CELF2: variants seen among roughly 807,000 people sequenced by gnomAD.
The protein encoded by CELF2 is CUG triplet repeat RNA-binding protein 2.
CELF2 carries 8 observed loss-of-function variants against 62.6 expected under a neutral mutation model. The observed-to-expected ratio is 0.13, with a 90% CI of 0.07 to 0.23. CELF2 has a LOEUF of 0.23. CELF2 is among the 10% of genes least tolerant of loss of function. The pLI, the probability that CELF2 is intolerant of heterozygous loss-of-function variation, is 1.00. For missense variants in CELF2, 333 were observed against 671.0 expected, an observed-to-expected ratio of 0.50 and a Z score of 5.56; for synonymous variants, 258 against 250.0, an observed-to-expected ratio of 1.03 and a Z score of -0.30.
chr10:11,165,830 C>A lies in CELF2; in HGVS notation c.271+148C>A. 1 of 731,752 alleles carries A rather than the reference C, an allele frequency of 1.4e-6. No individual in the cohort carries two copies. The highest frequency in any genetic ancestry group is 2.2e-6 in the Non-Finnish European group (1 of 463,614). The allele number at this position is 731,752 out of a possible 1,614,324, so 45.3% of individuals were successfully genotyped here. On this transcript the variant is annotated intron_variant, in intron 2 of 12. Coordinates refer to ENST00000633077, the MANE Select transcript of CELF2 (RefSeq NM_001326342.2). The surrounding 1 kb of genome is among the most constrained non-coding windows in gnomAD (Gnocchi z 7.4). ...GCTGGCGGCCCCTGTGCTCCAGGGG[C>A]TGCTCCCGACTCCTCCCCGCACCCC...
At position 11,018,294 on chromosome 10, in the gene CELF2, G is replaced by C; in HGVS notation, c.74+131G>C. On this transcript the variant is annotated intron_variant, in intron 1 of 12. Transcript: ENST00000633077. ...CGCTTCGGATCCGTCGCCTCCCTCG[G>C]CCTTCGGAGGCCGGCACGGGACGCG... 4 of 625,614 alleles carry C rather than the reference G, an allele frequency of 6.4e-6. No individual in the cohort carries two copies. In the South Asian group the frequency reaches 1.1e-4, roughly 18 times the overall value. The allele number at this position is 625,614 out of a possible 1,614,324, so 38.8% of individuals were successfully genotyped here. A position where few individuals can be genotyped will look rare whatever the true frequency, so the allele number is the denominator to read the frequency against.
At position 11,165,692 on chromosome 10, in the gene CELF2, G is replaced by C. The variant is rs370590942; in HGVS notation, c.271+10G>C. The C allele has an allele frequency of 1.9e-6, 3 of 1,605,462 alleles. No homozygotes were observed. The highest frequency in any genetic ancestry group is 1.1e-5 in the South Asian group (1 of 90,516). On this transcript the variant is annotated intron_variant, in intron 2 of 12. Transcript: ENST00000633077. The surrounding 1 kb of genome is among the most constrained non-coding windows in gnomAD (Gnocchi z 7.4). ...CCTCCGCAGAGTAAAGGTACAGAGC[G>C]CGGGGCGGGGGTCGCCAGGCGTCCA...
the CELF2 span, among the ~76,000 whole-genome samples, chr10:10,736,457 C>T: frequency 2.8e-5 from 4 of 144,828 alleles, no homozygotes; most frequent in Non-Finnish European, 6.0e-5. Flanking sequence ...AGAGGTATCA[C>T]ATATGTCAAA....
chr10:11,118,970 G>T (rs1020591113), intron 1 of CELF2, among the ~76,000 whole-genome samples: 23 of 152,224 alleles, frequency 1.5e-4, no homozygotes, highest in African/African-American at 4.6e-4. Context: ...GTCTCCGATG[G>T]TGACTTCATC....
chr10:10,774,492 G>A, the CELF2 span, among the ~76,000 whole-genome samples: 1 of 152,190 alleles, frequency 6.6e-6, no homozygotes, highest in Non-Finnish European at 1.5e-5. Flanking sequence ...CCGTTCTCAT[G>A]ATAGAGTTCT....
At chr10:11,186,155 A>G (rs2074814070) in intron 2 of CELF2, among the ~76,000 whole-genome samples, 1 of 152,172 alleles carries the variant, frequency 6.6e-6, no homozygotes. Flanking sequence ...TGTCTTCAAA[A>G]TCTACACATA....
rs766991418 is a variant in CELF2, at chr10:11,268,982, T to C, written c.619-1684T>C. Among the ~76,000 whole-genome samples the C allele has an allele frequency of 9.2e-5, 14 of 152,246 alleles. No homozygotes were observed. Among genetic ancestry groups the C allele is most frequent in the East Asian group, 1.9e-4 (1 of 5,196 alleles). ...AAAAATCATTTTTAAGCTATAATCA[T>C]TGGCCTAATTTTCTGCTTTTATATC... On this transcript the variant is annotated intron_variant, in intron 6 of 12. Transcript: ENST00000633077. The surrounding 1 kb of genome is among the most constrained non-coding windows in gnomAD (Gnocchi z 4.7).
chr10:11,238,640 G>A (rs1397416938), intron 3 of CELF2, among the ~76,000 whole-genome samples: 1 of 152,186 alleles, frequency 6.6e-6, no homozygotes, highest in Non-Finnish European at 1.5e-5. Flanking sequence ...CTTCTACTGA[G>A]ATGATAGCTA....
At chr10:10,766,467 G>A in the CELF2 span, among the ~76,000 whole-genome samples, 7 of 152,204 alleles carry the variant, frequency 4.6e-5, no homozygotes, top group East Asian at 9.6e-4. Flanking sequence ...TTCCGGGAAA[G>A]ACACACTGCT....
At chr10:10,664,492 G>T in the CELF2 span, among the ~76,000 whole-genome samples, 1 of 152,158 alleles carries the variant, frequency 6.6e-6, no homozygotes, top group Admixed American at 6.5e-5. Flanking sequence ...AAGACACCAC[G>T]TGAATTTCCT....
chr10:11,025,007 ACT>A (rs1164633481), intron 1 of CELF2, among the ~76,000 whole-genome samples: 1 of 152,040 alleles, frequency 6.6e-6, no homozygotes, highest in Non-Finnish European at 1.5e-5. Context: ...CTTGAGTAAA[ACT>A]CATTAAATTT....
chr10:10,569,943 C>G, the CELF2 span, among the ~76,000 whole-genome samples: 1 of 152,206 alleles, frequency 6.6e-6, no homozygotes, highest in Admixed American at 6.6e-5. Context: ...CTCTGTCTTA[C>G]TTCCTCCCAA....
At chr10:11,277,107 C>T (rs547736923) in intron 8 of CELF2, among the ~76,000 whole-genome samples, 16 of 152,292 alleles carry the variant, frequency 1.1e-4, no homozygotes, top group South Asian at 2.1e-4. Flanking sequence ...GTGTAGCTGT[C>T]GGGCTCTGTG....
chr10:11,197,463 G>T (rs2058257205), intron 2 of CELF2, among the ~76,000 whole-genome samples: 2 of 152,174 alleles, frequency 1.3e-5, no homozygotes, highest in Admixed American at 1.3e-4. Context: ...AATGTCACAG[G>T]GGAAAAAGAG....
upstream of CELF2, among the ~76,000 whole-genome samples, chr10:10,794,271 T>A (rs1196011206): frequency 6.6e-6 from 1 of 152,042 alleles, no homozygotes; most frequent in Non-Finnish European, 1.5e-5. Context: ...AGAATGAATT[T>A]CCAATTAGTC....
At chr10:10,688,837 CAA>C in the CELF2 span, among the ~76,000 whole-genome samples, 1 of 150,242 alleles carries the variant, frequency 6.7e-6, no homozygotes, top group Non-Finnish European at 1.5e-5. Context: ...CTGTGTATAC[CAA>C]AAAAAAATTA....
the CELF2 span, among the ~76,000 whole-genome samples, chr10:10,569,378 A>C: frequency 1.3e-5 from 2 of 152,142 alleles, no homozygotes; most frequent in African/African-American, 4.8e-5. Flanking sequence ...ATCAGATCTC[A>C]TGAGACTTAC....
chr10:10,811,858 A>G (rs1431958477), intron 1 of CELF2, among the ~76,000 whole-genome samples: 1 of 152,160 alleles, frequency 6.6e-6, no homozygotes, highest in Admixed American at 6.5e-5. Flanking sequence ...GTGGAGGCCT[A>G]GTTGAGAAGA....
In CELF2 at chr10:11,296,107, C is replaced by T. The variant is rs75575683; in HGVS notation, c.976+7555C>T. On this transcript the variant is annotated intron_variant, in intron 9 of 12. Transcript: ENST00000633077. The surrounding 1 kb of genome is among the most constrained non-coding windows in gnomAD (Gnocchi z 5.0). ...CACCTGTGCCCTGAGCTCTCCTTGG[C>T]GGGTGCCTTCATCCCCGGGATGGAC... Among the ~76,000 whole-genome samples, 3,895 of 152,292 alleles carry T rather than the reference C, an allele frequency of 0.026. 60 individuals carry two copies. The highest frequency in any genetic ancestry group is 0.038 in the Non-Finnish European group (2,582 of 68,014).
Sources: allele counts gnomAD v4.1 joint callset (sites outside exome capture counted in the v4.1 genomes callset), GRCh38; gene constraint gnomAD v4.1.1; non-coding constraint Gnocchi (gnomAD v3.1); transcripts MANE v1.5; gene names NCBI Gene and HGNC (gene_info 2026-07-23, HGNC 2026-07-21).